Variants in PREP observed in about 807,000 individuals in gnomAD.
The protein encoded by PREP is prolyl endopeptidase.
In PREP, 29 loss-of-function variants were observed where a neutral mutation model predicts 87.6. That is an observed-to-expected ratio of 0.33 (90% CI 0.25 to 0.45). The LOEUF (loss-of-function observed/expected upper bound fraction) is 0.45, where lower values mean the gene tolerates loss of function less well. Among genes scored for constraint, PREP ranks in the 20% least tolerant of loss-of-function variants. PREP has a pLI of 1.00. For missense variants in PREP, 695 were observed against 886.5 expected (o/e 0.78, Z 2.74); for synonymous variants, 337 against 328.6 (o/e 1.03, Z -0.28).
intron 6 of PREP, among the ~76,000 whole-genome samples, chr6:105,359,046 A>G (rs368542546): frequency 1.7e-4 from 26 of 152,180 alleles, no homozygotes; most frequent in African/African-American, 6.0e-4. Flanking sequence ...CCAAATTCTC[A>G]CCTCCCATAA....
intron 2 of PREP, among the ~76,000 whole-genome samples, chr6:105,388,613 A>G (rs1773062330): frequency 6.6e-6 from 1 of 152,222 alleles, no homozygotes; most frequent in Non-Finnish European, 1.5e-5. Flanking sequence ...TACATATTTC[A>G]CTTGTGAATT....
rs1456943841 is a variant in PREP, at chr6:105,292,637, GC to G, written c.1318-3744del. 2.0e-5 allele frequency among the ~76,000 whole-genome samples: 3 copies of G among 152,274 alleles called. No individual in the cohort carries two copies. The East Asian group carries it at 5.8e-4, about 29-fold the overall frequency. ...GGCTTAGCCCCTAAGAAGAAAGTCA[GC>G]CTGTCCCTTGAAGCTTTGAAGCCAG... is the stretch of plus-strand genomic sequence containing the variant. On this transcript the variant is annotated intron_variant, in intron 10 of 14. Transcript: ENST00000652536.
intron 2 of PREP, among the ~76,000 whole-genome samples, chr6:105,378,295 C>A (rs1772744810): frequency 6.6e-6 from 1 of 152,178 alleles, no homozygotes; most frequent in African/African-American, 2.4e-5. Context: ...CCTGTCTCTA[C>A]TAAAAATACA....
intron 6 of PREP, among the ~76,000 whole-genome samples, chr6:105,367,163 T>G (rs1047435974): frequency 1.3e-5 from 2 of 152,216 alleles, no homozygotes; most frequent in African/African-American, 4.8e-5. Context: ...ATATATCATA[T>G]AATATTTTGG....
chr6:105,334,257 C>A (rs1771421966), intron 7 of PREP, among the ~76,000 whole-genome samples: 1 of 152,254 alleles, frequency 6.6e-6, no homozygotes, highest in Admixed American at 6.5e-5. Context: ...GTCTTGCATG[C>A]TACAGTCCTT....
intron 9 of PREP, among the ~76,000 whole-genome samples, chr6:105,326,830 A>G (rs987887374): frequency 2.6e-5 from 4 of 152,250 alleles, no homozygotes; most frequent in Non-Finnish European, 4.4e-5. Context: ...AAGGAGACAG[A>G]CAAAGCTTGG....
At chr6:105,297,425 T>C (rs958002409) in intron 10 of PREP, among the ~76,000 whole-genome samples, 4 of 152,238 alleles carry the variant, frequency 2.6e-5, no homozygotes, top group African/African-American at 7.2e-5. Flanking sequence ...AAGTAGACAG[T>C]TGCCAAAGCT....
intron 10 of PREP, among the ~76,000 whole-genome samples, chr6:105,290,079 G>A (rs1770269801): frequency 6.6e-6 from 1 of 152,024 alleles, no homozygotes. Context: ...CATTTGTTTC[G>A]GACTCTGCAG....
At chr6:105,398,053 T>G (rs923958292) in intron 1 of PREP, 126 bp from the exon 2 acceptor site, 5 of 726,870 alleles carry the variant, frequency 6.9e-6, no homozygotes, top group Non-Finnish European at 1.1e-5. Context: ...ACTGGCAACG[T>G]GTCTGCCCAA....
intron 6 of PREP, among the ~76,000 whole-genome samples, chr6:105,363,632 A>G (rs12189785): frequency 0.22 from 33,208 of 152,048 alleles, 4,332 homozygotes; most frequent in African/African-American, 0.37. Context: ...CCTGGCTGAA[A>G]GTGAGGAGGG....
rs778632281 is a variant in PREP, at chr6:105,397,849, T to C, written c.120+4A>G. The stretch of plus-strand genomic sequence containing the variant: ...GCCTTATCTTTAATTAGAAACCAAA[T>C]TACCTTAGTCTGTTCACTGTCGGGG... On this transcript the variant is annotated splice_donor_region_variant and intron_variant, in intron 2 of 14. Transcript: ENST00000652536. 111 of 1,598,750 alleles carry C rather than the reference T, an allele frequency of 6.9e-5. No homozygotes were observed. The Admixed American group carries it at 1.8e-3, about 26-fold the overall frequency.
chr6:105,297,419 A>T (rs1770432475), intron 10 of PREP, among the ~76,000 whole-genome samples: 1 of 152,254 alleles, frequency 6.6e-6, no homozygotes, highest in African/African-American at 2.4e-5. Flanking sequence ...CTTGATAAGT[A>T]GACAGTTGCC....
chr6:105,402,731 G>C (rs1201928335), intron 1 of PREP, 116 bp downstream of exon 1: 1 of 946,830 alleles, frequency 1.1e-6, no homozygotes, highest in African/African-American at 1.7e-5. Flanking sequence ...GGCCGAGGGG[G>C]AGGGGAGGGA....
At chr6:105,377,305 G>A (rs1302111117) in intron 3 of PREP, 81 bp downstream of exon 3, 48 of 1,433,440 alleles carry the variant, frequency 3.3e-5, no homozygotes, top group Admixed American at 4.4e-5. Context: ...ACAAGGACAA[G>A]TTATCTGGAA....
chr6:105,330,531 C>T (rs1392471982), intron 8 of PREP, among the ~76,000 whole-genome samples: 5 of 151,988 alleles, frequency 3.3e-5, no homozygotes, highest in South Asian at 2.1e-4. Flanking sequence ...AAGGAGAAAA[C>T]GAAGGGCAAG....
intron 7 of PREP, among the ~76,000 whole-genome samples, chr6:105,349,529 C>T (rs1771889759): frequency 6.6e-6 from 1 of 152,032 alleles, no homozygotes; most frequent in Non-Finnish European, 1.5e-5. Flanking sequence ...GGCAGGTTTT[C>T]TTGGGAGACA....
At position 105,333,421 on chromosome 6, in the gene PREP, T is replaced by C; in HGVS notation, c.908A>G (p.Lys303Arg). The change falls in exon 8 of 15, where the codon AAG becomes AGG. Residue 303 changes from lysine (K) to arginine (R), a missense_variant. This residue lies in a region of PREP where 517 missense variants were observed against 620.3 expected (regional missense o/e 0.83). Transcript: ENST00000652536. ...ATAGTTGGGAGACTGGCGATTCGTC[T>C]TGAATGTGAACACCGTCCCCTCATT... Reference protein sequence around the residue: ...VTNEGTVFTFKTNRQSPNYRV... With the variant: ...VTNEGTVFTFRTNRQSPNYRV... The C allele has an allele frequency of 6.2e-7, 1 of 1,614,234 alleles. No individual in the cohort carries two copies. Among genetic ancestry groups the C allele is most frequent in the Non-Finnish European group, 8.5e-7 (1 of 1,180,036 alleles).
At chr6:105,376,360 G>T (rs779026346) in intron 3 of PREP, 105 bp from the exon 4 acceptor site, 29 of 1,356,310 alleles carry the variant, frequency 2.1e-5, no homozygotes, top group Non-Finnish European at 2.9e-5. Context: ...GACCTAAAAA[G>T]GTACCACTGT....
At chr6:105,335,239 A>C (rs1053001063) in intron 7 of PREP, among the ~76,000 whole-genome samples, 1 of 152,232 alleles carries the variant, frequency 6.6e-6, no homozygotes, top group African/African-American at 2.4e-5. Flanking sequence ...TATAAACAAA[A>C]AAGTTCTATG....
Sources: allele counts gnomAD v4.1 joint callset (sites outside exome capture counted in the v4.1 genomes callset), GRCh38; gene constraint gnomAD v4.1.1; regional missense constraint gnomAD v4.1.1; transcripts MANE v1.5; gene names NCBI Gene and HGNC (gene_info 2026-07-23, HGNC 2026-07-21).